ULK2: variants seen among roughly 807,000 people sequenced by gnomAD.
The protein encoded by ULK2 is unc-51 like autophagy activating kinase 2, also known as serine/threonine-protein kinase ULK2.
In ULK2, 76 loss-of-function variants were observed where a neutral mutation model predicts 127.5. That is an observed-to-expected ratio of 0.60 (90% CI 0.50 to 0.72). ULK2 has a LOEUF of 0.72. Among genes scored for constraint, ULK2 ranks in the 30% least tolerant of loss-of-function variants. ULK2 has a pLI of 0.00. For missense variants in ULK2, 1,144 were observed against 1,295.9 expected, an observed-to-expected ratio of 0.88 and a Z score of 1.80; for synonymous variants, 452 against 461.9, an observed-to-expected ratio of 0.98 and a Z score of 0.28.
intron 18 of ULK2, 51 bp from the exon 19 acceptor site, chr17:19,796,333 T>TC: frequency 6.7e-7 from 1 of 1,497,788 alleles, no homozygotes; most frequent in Non-Finnish European, 8.9e-7. Context: ...ATACGATGCA[T>TC]GAACTATTCA....
At chr17:19,820,063 T>TTG (rs953390886) in intron 12 of ULK2, among the ~76,000 whole-genome samples, 4 of 151,480 alleles carry the variant, frequency 2.6e-5, no homozygotes, top group African/African-American at 9.7e-5. Flanking sequence ...ATTTTTTTTT[T>TTG]TTTTGAGATG....
intron 22 of ULK2, among the ~76,000 whole-genome samples, chr17:19,783,400 C>T (rs1207086694): frequency 1.3e-5 from 2 of 151,274 alleles, no homozygotes; most frequent in South Asian, 2.1e-4. Context: ...GGGAGTGAGC[C>T]GAGATTGCAC....
chr17:19,790,671 T>C (rs1303259017), intron 20 of ULK2, among the ~76,000 whole-genome samples: 1 of 152,056 alleles, frequency 6.6e-6, no homozygotes, highest in Admixed American at 6.6e-5. Flanking sequence ...ACATTGAATA[T>C]AAATGAACTA....
rs186180827 is a variant in ULK2 at position 19,817,360 on chromosome 17, G to T, written c.925-440C>A. On this transcript the variant is annotated intron_variant, in intron 12 of 26. Transcript: ENST00000395544. ...ACACACGTTTTAAATATATAATGAA[G>T]AAAAATTATAAGCAGGAAACCAAGA... Among the ~76,000 whole-genome samples the T allele has an allele frequency of 8.9e-3, 1,347 of 151,768 alleles. 11 individuals are homozygous for T. Among genetic ancestry groups the T allele is most frequent in the Middle Eastern group, 0.024 (7 of 292 alleles).
At chr17:19,846,160 ATT>A (rs2041876913) in intron 6 of ULK2, among the ~76,000 whole-genome samples, 1 of 151,856 alleles carries the variant, frequency 6.6e-6, no homozygotes, top group Non-Finnish European at 1.5e-5. Flanking sequence ...AGAGTTATTA[ATT>A]TGCTGCCAGT....
At chr17:19,848,527 C>T (rs1336470898) in intron 5 of ULK2, among the ~76,000 whole-genome samples, 2 of 152,174 alleles carry the variant, frequency 1.3e-5, no homozygotes, top group South Asian at 2.1e-4. Context: ...GCCTGTAATC[C>T]CAGCACTTTG....
At chr17:19,848,903 T>C (rs2041955191) in intron 5 of ULK2, among the ~76,000 whole-genome samples, 1 of 152,232 alleles carries the variant, frequency 6.6e-6, no homozygotes, top group African/African-American at 2.4e-5. Context: ...ATCTTACTTC[T>C]GTACCACAAA....
intron 3 of ULK2, among the ~76,000 whole-genome samples, chr17:19,854,959 G>A (rs919857065): frequency 1.3e-5 from 2 of 151,736 alleles, no homozygotes; most frequent in African/African-American, 4.8e-5. Context: ...AATTAGCTGG[G>A]CTTGGTGGCA....
At chr17:19,811,744 A>C (rs947245995) in intron 13 of ULK2, among the ~76,000 whole-genome samples, 2 of 152,170 alleles carry the variant, frequency 1.3e-5, no homozygotes, top group Non-Finnish European at 2.9e-5. Context: ...ACCTGGCCTC[A>C]AGTTAACTTT....
intron 9 of ULK2, among the ~76,000 whole-genome samples, chr17:19,840,928 C>T (rs2041735573): frequency 6.6e-6 from 1 of 152,010 alleles, no homozygotes; most frequent in South Asian, 2.1e-4. Context: ...CTACATCTTG[C>T]TGCGGAACAT....
At chr17:19,803,585 T>G (rs1318630712) in intron 15 of ULK2, among the ~76,000 whole-genome samples, 1 of 152,256 alleles carries the variant, frequency 6.6e-6, no homozygotes, top group Non-Finnish European at 1.5e-5. Flanking sequence ...CACTGTACAA[T>G]ATACTGTTAA....
chr17:19,857,832 G>C (rs1340074039), intron 3 of ULK2, among the ~76,000 whole-genome samples: 1 of 152,004 alleles, frequency 6.6e-6, no homozygotes, highest in Non-Finnish European at 1.5e-5. Context: ...CTATGCTCTC[G>C]CTCTCATTAC....
At chr17:19,805,353 G>C (rs1447435859) in intron 14 of ULK2, among the ~76,000 whole-genome samples, 2 of 152,096 alleles carry the variant, frequency 1.3e-5, no homozygotes, top group Non-Finnish European at 2.9e-5. Context: ...GTCAGTATTT[G>C]GTTTCTTTAA....
intron 26 of ULK2, among the ~76,000 whole-genome samples, chr17:19,776,851 A>T (rs17720749): frequency 6.6e-6 from 1 of 152,240 alleles, no homozygotes; most frequent in African/African-American, 2.4e-5. Context: ...ATGAGGCTTA[A>T]AACAGTTACA....
intron 10 of ULK2, among the ~76,000 whole-genome samples, chr17:19,836,553 C>T (rs939360771): frequency 1.3e-5 from 2 of 151,756 alleles, no homozygotes; most frequent in African/African-American, 2.4e-5. Context: ...TGCAGTGAGC[C>T]GAGATCATGC....
chr17:19,842,186 TTTTC>T (rs1486313349), intron 8 of ULK2, among the ~76,000 whole-genome samples: 20 of 148,194 alleles, frequency 1.3e-4, no homozygotes, highest in African/African-American at 4.6e-4. Flanking sequence ...CTAATTTTCT[TTTTC>T]TTTTTTTTTT....
chr17:19,777,466 G>A, intron 26 of ULK2, 115 bp downstream of exon 26: 3 of 1,195,742 alleles, frequency 2.5e-6, no homozygotes, highest in Non-Finnish European at 3.4e-6. Context: ...GCACAAGGCT[G>A]GAAAGCCACG....
chr17:19,829,962 AAG>A (rs1384194333), intron 10 of ULK2, among the ~76,000 whole-genome samples: 2 of 152,186 alleles, frequency 1.3e-5, no homozygotes, highest in Non-Finnish European at 2.9e-5. Context: ...TGAAGTGAGA[AAG>A]AGATTTGTAC....
At chr17:19,849,489 C>A (rs2041965954) in intron 4 of ULK2, 84 bp from the exon 5 acceptor site, 1 of 1,338,194 alleles carries the variant, frequency 7.5e-7, no homozygotes, top group South Asian at 1.3e-5. Context: ...ATTAAAAAAT[C>A]ATTTGTATAT....
Sources: gnomAD v4.1 joint callset for allele counts (sites outside exome capture counted in the v4.1 genomes callset) on GRCh38, gnomAD v4.1.1 for gene constraint, MANE v1.5 for transcripts, NCBI Gene and HGNC (gene_info 2026-07-23, HGNC 2026-07-21) for gene names.